Variants in SPOPL observed in about 807,000 individuals in gnomAD.
The protein encoded by SPOPL is speckle type BTB/POZ protein like.
Under a neutral mutation model 53.8 loss-of-function variants are expected in SPOPL, and 23 were observed. The ratio of observed to expected loss-of-function variants is 0.43; its 90% confidence interval spans 0.31 to 0.61. The LOEUF is 0.61. Among genes scored for constraint, SPOPL ranks in the 20% least tolerant of loss-of-function variants. The pLI, the probability that SPOPL is intolerant of heterozygous loss-of-function variation, is 0.12. For missense variants in SPOPL, 442 were observed against 466.9 expected, an observed-to-expected ratio of 0.95 and a Z score of 0.49; for synonymous variants, 164 against 149.7, an observed-to-expected ratio of 1.10 and a Z score of -0.70.
chr2:138,504,732 C>A (rs1360140511), intron 1 of SPOPL, among the ~76,000 whole-genome samples: 1 of 152,088 alleles, frequency 6.6e-6, no homozygotes, highest in African/African-American at 2.4e-5. Context: ...AGCTACGTAC[C>A]GTTCTTGAGA....
At chr2:138,523,724 T>G (rs1684607568) in intron 1 of SPOPL, among the ~76,000 whole-genome samples, 1 of 152,160 alleles carries the variant, frequency 6.6e-6, no homozygotes, top group East Asian at 1.9e-4. Flanking sequence ...AGTCAAATCT[T>G]AAAGCTTCAA....
chr2:138,537,509 G>A (rs546829876), intron 1 of SPOPL, among the ~76,000 whole-genome samples: 35 of 152,158 alleles, frequency 2.3e-4, no homozygotes, highest in Admixed American at 1.8e-3. Flanking sequence ...GCGTGGCATC[G>A]GGCTGTCTGC....
intron 1 of SPOPL, among the ~76,000 whole-genome samples, chr2:138,541,308 A>T (rs1052324327): frequency 6.6e-6 from 1 of 152,216 alleles, no homozygotes; most frequent in African/African-American, 2.4e-5. Context: ...GAGTAGTTTC[A>T]GAAGGAATGG....
chr2:138,511,010 T>C (rs1328732257), intron 1 of SPOPL, among the ~76,000 whole-genome samples: 1 of 152,206 alleles, frequency 6.6e-6, no homozygotes, highest in Non-Finnish European at 1.5e-5. Context: ...AAGTGGGGCA[T>C]GGGCACACAC....
chr2:138,525,466 A>T (rs1684650361), intron 1 of SPOPL, among the ~76,000 whole-genome samples: 1 of 152,038 alleles, frequency 6.6e-6, no homozygotes, highest in African/African-American at 2.4e-5. Flanking sequence ...TTTTCCAGAT[A>T]ATTGACATAC....
Position 138,550,921 on chromosome 2 carries a change from A to G in SPOPL, c.219A>G (p.Pro73=). 6.2e-7 allele frequency: 1 copy of G among 1,612,354 alleles called. No homozygotes were observed. The highest frequency in any genetic ancestry group is 1.1e-5 in the South Asian group (1 of 90,800). The change falls in exon 4 of 11, where the codon CCA becomes CCG. Residue 73 remains proline, a synonymous_variant. Transcript: ENST00000280098. ...ATTTTAGGTGCCTGAGGGTAAACCC[A>G]AAGGGATTAGATGATGAAAGTAAAG... The part of the protein sequence containing the change: ...DKMKWCLRVN[P]KGLDDESKDY...
intron 8 of SPOPL, 60 bp downstream of exon 8, chr2:138,560,987 C>T: frequency 6.4e-7 from 1 of 1,558,828 alleles, no homozygotes; most frequent in Non-Finnish European, 8.6e-7. Flanking sequence ...ATATAGAAAG[C>T]TGTCATCAAA....
At chr2:138,547,213 G>C (rs899333222) in intron 1 of SPOPL, among the ~76,000 whole-genome samples, 1 of 152,124 alleles carries the variant, frequency 6.6e-6, no homozygotes. Context: ...TGATCCGCTT[G>C]CCTCAGCCTC....
chr2:138,524,922 C>A (rs1429150578), intron 1 of SPOPL, among the ~76,000 whole-genome samples: 1 of 151,934 alleles, frequency 6.6e-6, no homozygotes, highest in Non-Finnish European at 1.5e-5. Context: ...GTTCCAAATT[C>A]CCACATTTTC....
intron 5 of SPOPL, chr2:138,554,571 C>A: frequency 1.6e-6 from 2 of 1,229,758 alleles, no homozygotes; most frequent in Non-Finnish European, 2.1e-6. Context: ...TTGCACAAAG[C>A]GTAACTTAAT....
intron 7 of SPOPL, 121 bp downstream of exon 7, chr2:138,559,458 A>T (rs1315842638): frequency 3.0e-6 from 3 of 986,528 alleles, no homozygotes; most frequent in Non-Finnish European, 4.4e-6. Flanking sequence ...GAAAATTTTT[A>T]CAAACAGGAA....
rs185118106 is a variant in SPOPL, at chr2:138,569,152, A to G, written c.*72A>G. ...AGGTCCAGAAGGATTCTAATACACAAACCATAAGCAAGAGTTGTTTCTGTT... is the reference window on the plus strand; with the variant it reads ...AGGTCCAGAAGGATTCTAATACACAGACCATAAGCAAGAGTTGTTTCTGTT... On this transcript the variant is annotated 3_prime_UTR_variant, in exon 11 of 11. Transcript: ENST00000280098. The G allele has an allele frequency of 1.1e-3, 1,614 of 1,491,024 alleles. 20 individuals are homozygous for G. The highest frequency in any genetic ancestry group is 2.4e-3 in the African/African-American group (173 of 71,516). 92.4% of individuals were successfully genotyped at this position (1,491,024 alleles called of 1,614,324 possible). A position where few individuals can be genotyped will look rare whatever the true frequency, so the allele number is the denominator to read the frequency against.
At chr2:138,522,111 T>G (rs1197910133) in intron 1 of SPOPL, among the ~76,000 whole-genome samples, 1 of 152,174 alleles carries the variant, frequency 6.6e-6, no homozygotes, top group Non-Finnish European at 1.5e-5. Context: ...GCATTTTGTT[T>G]TAACAGGCCC....
chr2:138,536,598 G>A (rs1684941580), intron 1 of SPOPL, among the ~76,000 whole-genome samples: 1 of 152,158 alleles, frequency 6.6e-6, no homozygotes, highest in South Asian at 2.1e-4. Flanking sequence ...CTAAGTCAGT[G>A]CCTGAAATTT....
intron 1 of SPOPL, among the ~76,000 whole-genome samples, chr2:138,534,659 C>T (rs146031459): frequency 3.3e-5 from 5 of 152,134 alleles, no homozygotes; most frequent in East Asian, 3.9e-4. Flanking sequence ...AGTACAGTTC[C>T]GTAATGGCTT....
chr2:138,562,011 A>G (rs1349225086), intron 8 of SPOPL, among the ~76,000 whole-genome samples: 1 of 152,164 alleles, frequency 6.6e-6, no homozygotes, highest in Non-Finnish European at 1.5e-5. Context: ...AAAAAAGAAA[A>G]TTACAAAATA....
chr2:138,512,557 A>T (rs748794245), intron 1 of SPOPL, among the ~76,000 whole-genome samples: 7 of 152,228 alleles, frequency 4.6e-5, no homozygotes, highest in Non-Finnish European at 1.0e-4. Flanking sequence ...TTATATGCAC[A>T]TGATTTTGTT....
At chr2:138,540,380 A>T (rs1422910024) in intron 1 of SPOPL, among the ~76,000 whole-genome samples, 1 of 152,222 alleles carries the variant, frequency 6.6e-6, no homozygotes, top group East Asian at 1.9e-4. Flanking sequence ...ACCCATGAGC[A>T]TGGAATGTTC....
chr2:138,561,501 G>A (rs1685548545), intron 8 of SPOPL, among the ~76,000 whole-genome samples: 1 of 152,090 alleles, frequency 6.6e-6, no homozygotes, highest in Non-Finnish European at 1.5e-5. Context: ...ATGCATGTAT[G>A]TATGTATATA....
Sources: allele counts gnomAD v4.1 joint callset (sites outside exome capture counted in the v4.1 genomes callset), GRCh38; gene constraint gnomAD v4.1.1; transcripts MANE v1.5; gene names NCBI Gene and HGNC (gene_info 2026-07-23, HGNC 2026-07-21).